Variants in KATNIP observed in about 807,000 individuals in gnomAD.
KATNIP encodes the protein katanin-interacting protein.
A neutral mutation model predicts 174.0 loss-of-function variants in KATNIP; 126 were observed. The ratio of observed to expected loss-of-function variants is 0.72; its 90% confidence interval spans 0.63 to 0.84. The LOEUF is 0.84. KATNIP is among the 40% of genes least tolerant of loss of function. KATNIP has a pLI of 0.00. For missense variants in KATNIP, 1,958 were observed against 2,109.7 expected, an observed-to-expected ratio of 0.93 and a Z score of 1.41; for synonymous variants, 810 against 835.7, an observed-to-expected ratio of 0.97 and a Z score of 0.53.
chr16:27,696,444 G>A (rs2142961464), intron 8 of KATNIP, among the ~76,000 whole-genome samples: 1 of 152,196 alleles, frequency 6.6e-6, no homozygotes, highest in South Asian at 2.1e-4. Context: ...CATCACCCAG[G>A]TAATAAGCAT....
chr16:27,611,002 CAT>C (rs769895798), intron 2 of KATNIP, among the ~76,000 whole-genome samples: 3 of 152,152 alleles, frequency 2.0e-5, no homozygotes, highest in African/African-American at 4.8e-5. Context: ...ATTCATCTTA[CAT>C]ATGTTGATTG....
At chr16:27,713,809 CATAT>C (rs60005285) in intron 13 of KATNIP, among the ~76,000 whole-genome samples, 1,220 of 33,210 alleles carry the variant, frequency 0.037, 24 homozygotes, top group East Asian at 0.057. Flanking sequence ...TGTGTATATA[CATAT>C]ATATATATAT....
chr16:27,749,463 A>G (rs978296392), intron 15 of KATNIP, 121 bp from the exon 16 acceptor site: 13 of 1,194,926 alleles, frequency 1.1e-5, no homozygotes, highest in Non-Finnish European at 1.5e-5. Context: ...TGGTTTCTAG[A>G]GGGCTCCCCT....
At chr16:27,568,910 T>C (rs2090184841) in intron 1 of KATNIP, among the ~76,000 whole-genome samples, 1 of 151,986 alleles carries the variant, frequency 6.6e-6, no homozygotes, top group Non-Finnish European at 1.5e-5. Flanking sequence ...TCGATGGGAG[T>C]GAGGGTCTAA....
chr16:27,622,082 G>T (rs1326335610), intron 3 of KATNIP, among the ~76,000 whole-genome samples: 1 of 152,066 alleles, frequency 6.6e-6, no homozygotes, highest in African/African-American at 2.4e-5. Context: ...GTTTCACCCG[G>T]TGGAGTCAGT....
intron 11 of KATNIP, 72 bp from the exon 12 acceptor site, chr16:27,703,824 C>G: frequency 8.5e-7 from 1 of 1,183,418 alleles, no homozygotes; most frequent in Admixed American, 1.7e-5. Context: ...GAGTGCAGCA[C>G]TTTTGATTGG....
At chr16:27,591,525 G>T (rs887538165) in intron 2 of KATNIP, among the ~76,000 whole-genome samples, 1 of 152,028 alleles carries the variant, frequency 6.6e-6, no homozygotes, top group Non-Finnish European at 1.5e-5. Context: ...TACCATATCT[G>T]CTCTCTACTA....
intron 8 of KATNIP, among the ~76,000 whole-genome samples, chr16:27,697,817 T>C (rs2142973695): frequency 6.6e-6 from 1 of 152,236 alleles, no homozygotes; most frequent in Non-Finnish European, 1.5e-5. Context: ...TGTGTGTGCA[T>C]GTATGTGTGT....
At chr16:27,716,595 C>A (rs1393154718) in intron 13 of KATNIP, among the ~76,000 whole-genome samples, 1 of 152,136 alleles carries the variant, frequency 6.6e-6, no homozygotes, top group Non-Finnish European at 1.5e-5. Flanking sequence ...AATGTACAGA[C>A]CTTCATACAT....
At chr16:27,713,807 T>TGTATATATAC (rs1597261534) in intron 13 of KATNIP, among the ~76,000 whole-genome samples, 2 of 47,142 alleles carry the variant, frequency 4.2e-5, no homozygotes, top group East Asian at 1.4e-3. Context: ...TGTGTGTATA[T>TGTATATATAC]ACATATATAT....
chr16:27,669,833 AT>A (rs34553521), intron 6 of KATNIP, among the ~76,000 whole-genome samples: 48 of 150,024 alleles, frequency 3.2e-4, no homozygotes, highest in Admixed American at 5.3e-4. Flanking sequence ...GGGAGAGGGA[AT>A]TTTTTTTTTG....
chr16:27,646,931 G>A (rs1161036808), intron 5 of KATNIP, among the ~76,000 whole-genome samples: 1 of 152,184 alleles, frequency 6.6e-6, no homozygotes, highest in Non-Finnish European at 1.5e-5. Flanking sequence ...ATTGCAGCTG[G>A]CAGAGGAAGC....
intron 6 of KATNIP, among the ~76,000 whole-genome samples, chr16:27,667,404 T>G (rs2077723866): frequency 6.6e-6 from 1 of 152,156 alleles, no homozygotes; most frequent in Non-Finnish European, 1.5e-5. Flanking sequence ...GTAAAAAGCC[T>G]TCATGGTCCA....
chr16:27,690,432 G>A (rs1441730890), intron 8 of KATNIP, among the ~76,000 whole-genome samples: 2 of 152,146 alleles, frequency 1.3e-5, no homozygotes, highest in East Asian at 1.9e-4. Context: ...GCCAAGCCCA[G>A]CTAGAGAAAC....
intron 8 of KATNIP, among the ~76,000 whole-genome samples, chr16:27,694,291 C>T (rs889532803): frequency 2.0e-5 from 3 of 152,080 alleles, no homozygotes; most frequent in African/African-American, 7.2e-5. Flanking sequence ...TCAAGTGCTT[C>T]GACAGGAGCC....
At chr16:27,697,802 A>C (rs2078966659) in intron 8 of KATNIP, among the ~76,000 whole-genome samples, 1 of 151,922 alleles carries the variant, frequency 6.6e-6, no homozygotes, top group Non-Finnish European at 1.5e-5. Flanking sequence ...GTGCATGTGC[A>C]TATGTGTGTG....
At position 27,681,549 on chromosome 16, in the gene KATNIP, C is replaced by T; in HGVS notation, c.940+19C>T. 1 of 1,613,986 alleles carries T rather than the reference C, an allele frequency of 6.2e-7. No individual in the cohort carries two copies. The highest frequency in any genetic ancestry group is 1.3e-5 in the African/African-American group (1 of 75,036). ...TGCTCCAGTAAGAGTTCCGGGGGCCCCTGAGCAGGGGAGCAGGGCTGCGAC... is the reference window on the plus strand; with the variant it reads ...TGCTCCAGTAAGAGTTCCGGGGGCCTCTGAGCAGGGGAGCAGGGCTGCGAC... On this transcript the variant is annotated intron_variant, in intron 8 of 27. Transcript: ENST00000261588.
chr16:27,573,831 A>G (rs1428663599), intron 1 of KATNIP, 70 bp from the exon 2 acceptor site: 1 of 1,438,288 alleles, frequency 7.0e-7, no homozygotes, highest in Non-Finnish European at 9.8e-7. Context: ...GCAAATAAAA[A>G]TCTTTTGTGT....
At chr16:27,666,847 T>C (rs1033355802) in intron 6 of KATNIP, among the ~76,000 whole-genome samples, 10 of 151,954 alleles carry the variant, frequency 6.6e-5, no homozygotes, top group Admixed American at 4.6e-4. Context: ...GCCACTTTAT[T>C]ATGGACGTGG....
Sources: allele counts gnomAD v4.1 joint callset (sites outside exome capture counted in the v4.1 genomes callset), GRCh38; gene constraint gnomAD v4.1.1; transcripts MANE v1.5; gene names NCBI Gene and HGNC (gene_info 2026-07-23, HGNC 2026-07-21).